The following RDH11 variants were observed in gnomAD, a reference collection of about 807,000 sequenced individuals.
RDH11 encodes the protein retinol dehydrogenase 11.
A neutral mutation model predicts 33.4 loss-of-function variants in RDH11; 19 were observed. That is an observed-to-expected ratio of 0.57 (90% CI 0.40 to 0.83). The LOEUF (loss-of-function observed/expected upper bound fraction) is 0.83. Ranked by LOEUF, RDH11 falls within the 40% of genes least tolerant of loss-of-function variation. The probability of loss-of-function intolerance (pLI) is 0.00; values close to 1 mark genes in which losing one functional copy is unlikely to be tolerated. For missense variants in RDH11, 353 were observed against 389.0 expected, an observed-to-expected ratio of 0.91 and a Z score of 0.78; for synonymous variants, 154 against 155.3, an observed-to-expected ratio of 0.99 and a Z score of 0.06.
Position 67,692,425 on chromosome 14 carries a change from G to A in RDH11, c.349+13C>T, listed in dbSNP as rs2037761363. 1 of 1,614,000 alleles carries A rather than the reference G, an allele frequency of 6.2e-7. No homozygotes were observed. The highest frequency in any genetic ancestry group is 8.5e-7 in the Non-Finnish European group (1 of 1,179,930). ...CAAGACCCACAACATAGTCTCTCTA[G>A]TTCTACACTTACCAGCTAAGAAGCC... On this transcript the variant is annotated intron_variant, in intron 3 of 6. Transcript: ENST00000381346.
chr14:67,681,117 C>T lies in RDH11; in HGVS notation c.855-2694G>A, dbSNP rs185158176. Among the ~76,000 whole-genome samples the T allele has an allele frequency of 2.0e-3, 298 of 152,276 alleles. 1 individual carries two copies. The highest frequency in any genetic ancestry group is 2.9e-3 in the Non-Finnish European group (197 of 68,010). On this transcript the variant is annotated intron_variant, in intron 6 of 6. Transcript: ENST00000381346. ...CTAAGGTTAAATGAGGTCATCAGGG[C>T]GGGGCCCTAATCCAACAGGGCCTTA...
intron 1 of RDH11, among the ~76,000 whole-genome samples, chr14:67,694,469 T>TAC (rs1413012950): frequency 3.1e-5 from 4 of 130,396 alleles, no homozygotes; most frequent in Non-Finnish European, 5.2e-5. Context: ...CACACACATA[T>TAC]ATATATATAC....
intron 6 of RDH11, 58 bp downstream of exon 6, chr14:67,684,957 C>A: frequency 6.8e-7 from 1 of 1,465,462 alleles, no homozygotes. Flanking sequence ...CCCAGACAAA[C>A]CCAAATTATC....
chr14:67,685,044 A>T lies in RDH11; in HGVS notation c.825T>A (p.Gly275=). ...AATGATTCCCACTTAGAATCTCAAG[A>T]CCTTCTGTTAAGGCACAGTGCAGGC... ...QTSLHCALTE[G]LEILSGNHFS... is the part of the protein sequence containing the mutation. Residue 275 remains glycine (G), a synonymous_variant, in exon 6 of 7, where the codon GGT becomes GGA. Transcript: ENST00000381346. The T allele has an allele frequency of 6.2e-7, 1 of 1,612,330 alleles. No individual in the cohort carries two copies. The highest frequency in any genetic ancestry group is 1.1e-5 in the South Asian group (1 of 90,672).
At position 67,677,363 on chromosome 14, in the gene RDH11, A is replaced by ATTTTTTTTTT. The variant is rs71129846; in HGVS notation, c.*948_*957dup. 2.5e-4 allele frequency: 8 copies of ATTTTTTTTTT among 31,978 alleles called. 1 individual carries two copies. Among genetic ancestry groups the ATTTTTTTTTT allele is most frequent in the African/African-American group, 4.1e-4 (3 of 7,352 alleles). 2.0% of individuals were successfully genotyped at this position (31,978 alleles called of 1,614,324 possible). A position where few individuals can be genotyped will look rare whatever the true frequency, so the allele number is the denominator to read the frequency against. On this transcript the variant is annotated 3_prime_UTR_variant, in exon 7 of 7. Transcript: ENST00000381346. ...TTTTTTTTGTTTGTTTGTTTTTAGG[A>ATTTTTTTTTT]TTTTTTTTTTTTTTTTTTTTTTTTT...
At position 67,686,617 on chromosome 14, in the gene RDH11, C is replaced by T. The variant is rs113673178; in HGVS notation, c.665-1413G>A. On this transcript the variant is annotated intron_variant, in intron 5 of 6. Transcript: ENST00000381346. ...TCGTGCCACTGCACTCCAGCCTGGG[C>T]GACAGAGTGAGACACCGGTGCAAAA... Among the ~76,000 whole-genome samples, 113 of 116,412 alleles carry T rather than the reference C, an allele frequency of 9.7e-4. 2 individuals are homozygous for T. The highest frequency in any genetic ancestry group is 3.3e-3 in the African/African-American group (98 of 29,498). 76.4% of individuals were successfully genotyped at this position (116,412 alleles called of 152,430 possible).
intron 5 of RDH11, among the ~76,000 whole-genome samples, chr14:67,686,638 CAAAAA>C (rs34363764): frequency 1.2e-5 from 1 of 80,176 alleles, no homozygotes. Flanking sequence ...GACACCGGTG[CAAAAA>C]AAAAAAAAAA....
intron 3 of RDH11, 31 bp downstream of exon 3, chr14:67,692,407 C>T: frequency 6.2e-7 from 1 of 1,611,424 alleles, no homozygotes; most frequent in Non-Finnish European, 8.5e-7. Context: ...CCTCAAGACC[C>T]ACAACATAGT....
At chr14:67,685,380 G>C (rs977089562) in intron 5 of RDH11, among the ~76,000 whole-genome samples, 176 bp from the exon 6 acceptor site, 8 of 152,106 alleles carry the variant, frequency 5.3e-5, no homozygotes, top group Non-Finnish European at 8.8e-5. Context: ...ATCTAAGAAG[G>C]CTCTAGAGTA....
chr14:67,690,929 C>G (rs972623985), intron 4 of RDH11: 26 of 562,090 alleles, frequency 4.6e-5, no homozygotes, highest in Middle Eastern at 4.2e-4. Context: ...CCAAGGCAAA[C>G]CAAATCTAAA....
chr14:67,686,735 G>A lies in RDH11; in HGVS notation c.665-1531C>T, dbSNP rs547075217. 4.6e-5 allele frequency among the ~76,000 whole-genome samples: 7 copies of A among 151,450 alleles called. No individual in the cohort carries two copies. The South Asian group carries it at 1.3e-3, about 27-fold the overall frequency. Reference sequence around the variant, plus strand: ...AGGCCCCCAATCCTTTATGGAAAACGCTGGGGCCAGACATACTTCAATTTT... The same window carrying A: ...AGGCCCCCAATCCTTTATGGAAAACACTGGGGCCAGACATACTTCAATTTT... On this transcript the variant is annotated intron_variant, in intron 5 of 6. Transcript: ENST00000381346.
chr14:67,680,133 C>G (rs2037596589), intron 6 of RDH11, among the ~76,000 whole-genome samples: 3 of 152,182 alleles, frequency 2.0e-5, no homozygotes, highest in African/African-American at 7.2e-5. Context: ...CTATTTTCAA[C>G]TAGTTTTCCA....
intron 4 of RDH11, 37 bp downstream of exon 4, chr14:67,691,103 G>A: frequency 7.1e-7 from 1 of 1,399,140 alleles, no homozygotes; most frequent in Non-Finnish European, 1.0e-6. Context: ...GAGAATTTTG[G>A]GTCTCTCTAG....
intron 6 of RDH11, among the ~76,000 whole-genome samples, chr14:67,682,126 A>G (rs1385424921): frequency 2.6e-5 from 4 of 152,174 alleles, no homozygotes; most frequent in Non-Finnish European, 4.4e-5. Flanking sequence ...AAATTTCTTT[A>G]GAAATTACCC....
rs980638270 is a variant in RDH11 at position 67,678,262 on chromosome 14, G to T, written c.*59C>A. On this transcript the variant is annotated 3_prime_UTR_variant, in exon 7 of 7. Transcript: ENST00000381346. ...GAAAACCTTGAAGGAGAATCATTTT[G>T]ACAAGAAGTACTGTGTAGTCTGCTG... 10 of 1,106,180 alleles carry T rather than the reference G, an allele frequency of 9.0e-6. No individual in the cohort carries two copies. In the African/African-American group the frequency reaches 1.2e-4, roughly 14 times the overall value. The allele number at this position is 1,106,180 out of a possible 1,614,324, so 68.5% of individuals were successfully genotyped here.
At chr14:67,683,814 C>T (rs2037644259) in intron 6 of RDH11, among the ~76,000 whole-genome samples, 2 of 152,204 alleles carry the variant, frequency 1.3e-5, no homozygotes, top group Admixed American at 1.3e-4. Flanking sequence ...CCTCCTCTCC[C>T]TACTAATATT....
chr14:67,678,344 G>A lies in RDH11; in HGVS notation c.934C>T (p.Leu312=), dbSNP rs2037570082. The A allele has an allele frequency of 6.2e-7, 1 of 1,613,756 alleles. No homozygotes were observed. The highest frequency in any genetic ancestry group is 8.5e-7 in the Non-Finnish European group (1 of 1,179,672). The change falls in exon 7 of 7, where the codon CTG becomes TTG. Residue 312 remains leucine (L), a synonymous_variant. Coordinates refer to ENST00000381346, the MANE Select transcript of RDH11 (RefSeq NM_016026.4). The stretch of plus-strand genomic sequence containing the variant: ...TGTTAGTCTATTGGGAGGCCCAGCA[G>A]GTCACAACTGACGTCCCACAGCCGC... ...ARRLWDVSCD[L]LGLPID is the part of the protein sequence containing the mutation.
At chr14:67,679,824 T>A (rs980019976) in intron 6 of RDH11, among the ~76,000 whole-genome samples, 12 of 152,146 alleles carry the variant, frequency 7.9e-5, no homozygotes, top group African/African-American at 2.9e-4. Flanking sequence ...AGTCAAAGTT[T>A]TAAAAAAAAT....
At chr14:67,690,571 T>C in intron 4 of RDH11, 150 bp from the exon 5 acceptor site, 2 of 662,352 alleles carry the variant, frequency 3.0e-6, no homozygotes, top group Admixed American at 2.7e-5. Flanking sequence ...ACAAGTTTAA[T>C]GAAGGTTTAG....
Sources: gnomAD v4.1 joint callset for allele counts (sites outside exome capture counted in the v4.1 genomes callset) on GRCh38, gnomAD v4.1.1 for gene constraint, MANE v1.5 for transcripts, NCBI Gene and HGNC (gene_info 2026-07-23, HGNC 2026-07-21) for gene names.